The following CATSPERE variants were observed in gnomAD, a reference collection of about 807,000 sequenced individuals.
The protein encoded by CATSPERE is cation channel sperm-associated auxiliary subunit epsilon.
CATSPERE carries 93 observed loss-of-function variants against 114.1 expected under a neutral mutation model. That is an observed-to-expected ratio of 0.81 (90% CI 0.69 to 0.97). The LOEUF (loss-of-function observed/expected upper bound fraction) is 0.97, where lower values mean the gene tolerates loss of function less well. CATSPERE is among the 50% of genes least tolerant of loss of function. CATSPERE has a pLI of 0.00. For missense variants in CATSPERE, 1,058 were observed against 1,131.6 expected (o/e 0.93, Z 0.93); for synonymous variants, 341 against 384.1 (o/e 0.89, Z 1.31).
At chr1:244,531,830 A>C (rs3005946) in intron 8 of CATSPERE, among the ~76,000 whole-genome samples, 19,592 of 152,190 alleles carry the variant, frequency 0.13, 2,201 homozygotes, top group African/African-American at 0.3. Flanking sequence ...GTATCAAGGT[A>C]ATACTGGCCT....
intron 7 of CATSPERE, among the ~76,000 whole-genome samples, chr1:244,502,040 T>C (rs1472856319): frequency 2.6e-5 from 4 of 152,232 alleles, no homozygotes; most frequent in Non-Finnish European, 5.9e-5. Flanking sequence ...AGGTCTCTAA[T>C]TAGGTGTCAC....
At position 244,550,736 on chromosome 1, in the gene CATSPERE, AC is replaced by A. The variant is rs139978739; in HGVS notation, c.537-1585del. ...TGGTGACAGTTCTACAACTGCCCTA[AC>A]TTGAGGTCCGCTTCACCTGGGTCCT... On this transcript the variant is annotated intron_variant, in intron 8 of 21. Coordinates refer to ENST00000366534, the MANE Select transcript of CATSPERE (RefSeq NM_001130957.2). Among the ~76,000 whole-genome samples, 25 of 152,280 alleles carry A rather than the reference AC, an allele frequency of 1.6e-4. No individual in the cohort carries two copies. In the East Asian group the frequency reaches 4.8e-3, roughly 29 times the overall value.
chr1:244,470,582 A>G (rs1260774234), intron 2 of CATSPERE, among the ~76,000 whole-genome samples: 1 of 152,246 alleles, frequency 6.6e-6, no homozygotes, highest in African/African-American at 2.4e-5. Context: ...TGGTGCAGGC[A>G]CTTTAGAAGA....
intron 20 of CATSPERE, among the ~76,000 whole-genome samples, chr1:244,624,378 G>A (rs1475964876): frequency 1.3e-5 from 2 of 152,112 alleles, no homozygotes; most frequent in East Asian, 1.9e-4. Flanking sequence ...ACCCACAGTG[G>A]AACTTTCAAA....
chr1:244,631,887 T>C (rs1209455485), intron 20 of CATSPERE, among the ~76,000 whole-genome samples: 4 of 152,132 alleles, frequency 2.6e-5, no homozygotes, highest in Admixed American at 6.6e-5. Flanking sequence ...AGACAGTTGT[T>C]TGGCAGTTTC....
intron 8 of CATSPERE, among the ~76,000 whole-genome samples, chr1:244,544,905 G>A (rs1358619542): frequency 2.0e-5 from 3 of 152,138 alleles, no homozygotes; most frequent in Non-Finnish European, 4.4e-5. Flanking sequence ...TGTCTATGAG[G>A]CCCAACAGAA....
At chr1:244,550,077 C>T (rs985034957) in intron 8 of CATSPERE, among the ~76,000 whole-genome samples, 3 of 152,128 alleles carry the variant, frequency 2.0e-5, no homozygotes, top group Non-Finnish European at 4.4e-5. Context: ...CACTGGCACC[C>T]CAGTTTTGGG....
chr1:244,547,756 A>G (rs1659981075), intron 8 of CATSPERE, among the ~76,000 whole-genome samples: 1 of 152,210 alleles, frequency 6.6e-6, no homozygotes, highest in African/African-American at 2.4e-5. Flanking sequence ...GAAAGATAGT[A>G]AAACAGGAAG....
intron 7 of CATSPERE, among the ~76,000 whole-genome samples, chr1:244,502,207 T>C (rs915434914): frequency 2.0e-5 from 3 of 152,154 alleles, no homozygotes; most frequent in Non-Finnish European, 2.9e-5. Context: ...TGTTTTACAA[T>C]GTGTTTTTCT....
chr1:244,640,070 A>C lies in CATSPERE; in HGVS notation c.2845A>C (p.Lys949Gln). ...EPLHKPQRKR[K>Q]KN is the part of the protein sequence containing the mutation. The stretch of plus-strand genomic sequence containing the variant: ...ACTTCACAAACCTCAAAGAAAACGT[A>C]AGAAGAATTAGGAAAACTGAAAGTT... The change falls in exon 22 of 22, where the codon AAG (lysine) becomes CAG (glutamine). Residue 949 changes from lysine to glutamine, a missense_variant. By Grantham distance (53) the Lys-to-Gln change is moderately conservative. This residue lies in a region of CATSPERE where 787 missense variants were observed against 905.6 expected (regional missense o/e 0.87). Transcript: ENST00000366534. 6.5e-7 allele frequency: 1 copy of C among 1,548,492 alleles called. No individual in the cohort carries two copies. Among genetic ancestry groups the C allele is most frequent in the Non-Finnish European group, 8.7e-7 (1 of 1,145,232 alleles).
intron 7 of CATSPERE, 73 bp downstream of exon 7, chr1:244,499,152 T>G (rs2148276493): frequency 8.9e-7 from 1 of 1,120,894 alleles, no homozygotes; most frequent in Non-Finnish European, 1.3e-6. Context: ...TGTGAAAAAT[T>G]TATAATCAAT....
chr1:244,575,475 T>A lies in CATSPERE; in HGVS notation c.1950+2703T>A, dbSNP rs1210990235. Among the ~76,000 whole-genome samples, 6 of 152,182 alleles carry A rather than the reference T, an allele frequency of 3.9e-5. No homozygotes were observed. The South Asian group carries it at 1.2e-3, about 31-fold the overall frequency. ...ACTTGCAGGCGTCCATGGCCAGCTGTCCTCCGAGGGTGGCAGGACGTACCT... is the reference window on the plus strand; with the variant it reads ...ACTTGCAGGCGTCCATGGCCAGCTGACCTCCGAGGGTGGCAGGACGTACCT... On this transcript the variant is annotated intron_variant, in intron 11 of 21. Coordinates refer to ENST00000366534, the MANE Select transcript of CATSPERE (RefSeq NM_001130957.2). This position sits in a 1 kb window ranked among gnomAD's most constrained non-coding sequence, Gnocchi z 4.5.
chr1:244,460,151 T>C (rs1173590841), upstream of CATSPERE, among the ~76,000 whole-genome samples: 1 of 152,184 alleles, frequency 6.6e-6, no homozygotes, highest in Non-Finnish European at 1.5e-5. Flanking sequence ...TAGTTTATAG[T>C]TTACACAAAG....
chr1:244,593,594 T>C lies in CATSPERE; in HGVS notation c.2303+16T>C. The C allele has an allele frequency of 6.3e-7, 1 of 1,595,956 alleles. No individual in the cohort carries two copies. The highest frequency in any genetic ancestry group is 1.1e-5 in the South Asian group (1 of 89,004). On this transcript the variant is annotated intron_variant, in intron 17 of 21. Coordinates refer to ENST00000366534, the MANE Select transcript of CATSPERE (RefSeq NM_001130957.2). ...TGGTTCAACTGTAAGTATATTCTCATCAACATTTTAACTTATATTGAAAGT... is the reference window on the plus strand; with the variant it reads ...TGGTTCAACTGTAAGTATATTCTCACCAACATTTTAACTTATATTGAAAGT...
Position 244,479,816 on chromosome 1 carries a change from GC to G in CATSPERE, c.326+33del, listed in dbSNP as rs758884464. ...AATGCAGTACTGAATAGGTAATTATGCTTTTAAAGAGTATTTAGCTTCAACT... is the reference window on the plus strand; with the variant it reads ...AATGCAGTACTGAATAGGTAATTATGTTTTAAAGAGTATTTAGCTTCAACT... On this transcript the variant is annotated intron_variant, in intron 5 of 21. Transcript: ENST00000366534. 4.1e-6 allele frequency: 5 copies of G among 1,221,252 alleles called. No homozygotes were observed. In the East Asian group the frequency reaches 1.3e-4, roughly 31 times the overall value. 75.7% of individuals were successfully genotyped at this position (1,221,252 alleles called of 1,614,324 possible). A position where few individuals can be genotyped will look rare whatever the true frequency, so the allele number is the denominator to read the frequency against.
rs1558558869 is a variant in CATSPERE, at chr1:244,593,587, A to C, written c.2303+9A>C. The C allele has an allele frequency of 6.2e-7, 1 of 1,602,768 alleles. No homozygotes were observed. The highest frequency in any genetic ancestry group is 1.7e-5 in the Admixed American group (1 of 59,008). ...CAACCTGTGGTTCAACTGTAAGTAT[A>C]TTCTCATCAACATTTTAACTTATAT... is the stretch of plus-strand genomic sequence containing the variant. On this transcript the variant is annotated intron_variant, in intron 17 of 21. Coordinates refer to ENST00000366534, the MANE Select transcript of CATSPERE (RefSeq NM_001130957.2).
At position 244,593,522 on chromosome 1, in the gene CATSPERE, A is replaced by C. The variant is rs781275881; in HGVS notation, c.2247A>C (p.Glu749Asp). The C allele has an allele frequency of 6.2e-7, 1 of 1,614,130 alleles. No homozygotes were observed. The highest frequency in any genetic ancestry group is 2.2e-5 in the East Asian group (1 of 44,866). The part of the protein sequence containing the change: ...KNLRVRYIWG[E>D]YGCPLRLDFT... ...AGAGAGTAAGGTATATTTGGGGAGA[A>C]TATGGCTGCCCTCTGAGGCTTGACT... The change falls in exon 17 of 22, where the codon GAA becomes GAC. Residue 749 changes from glutamate (E) to aspartate (D), a missense_variant. By Grantham distance (45) the Glu-to-Asp change is conservative. Around this residue, in one of 2 missense-constraint regions of CATSPERE, gnomAD observed 787 missense variants for 905.6 expected, o/e 0.87. Transcript: ENST00000366534.
chr1:244,491,367 G>T (rs1288856574), intron 6 of CATSPERE, among the ~76,000 whole-genome samples: 1 of 151,900 alleles, frequency 6.6e-6, no homozygotes, highest in Non-Finnish European at 1.5e-5. Context: ...CGAAATGAAG[G>T]CAGAAATAAA....
intron 9 of CATSPERE, among the ~76,000 whole-genome samples, chr1:244,559,581 A>G (rs1662229015): frequency 6.6e-6 from 1 of 152,208 alleles, no homozygotes; most frequent in Admixed American, 6.5e-5. Context: ...CAGGCACAGC[A>G]GTTTCTGAAT....
Sources: allele counts gnomAD v4.1 joint callset (sites outside exome capture counted in the v4.1 genomes callset), GRCh38; gene constraint gnomAD v4.1.1; regional missense constraint gnomAD v4.1.1; non-coding constraint Gnocchi (gnomAD v3.1); transcripts MANE v1.5; gene names NCBI Gene and HGNC (gene_info 2026-07-23, HGNC 2026-07-21).